Variants in KYNU observed in about 807,000 individuals in gnomAD.
KYNU encodes L-kynurenine hydrolase.
A neutral mutation model predicts 59.2 loss-of-function variants in KYNU; 54 were observed. The ratio of observed to expected loss-of-function variants is 0.91; its 90% CI spans 0.73 to 1.14. The LOEUF is 1.14. KYNU is among the 50% of genes most tolerant of loss of function. KYNU has a pLI of 0.00. For synonymous variants in KYNU, 177 were observed against 192.0 expected (o/e 0.92, Z 0.65); for missense variants, 567 against 554.4 (o/e 1.02, Z -0.23).
At chr2:143,019,624 T>C (rs1301377313) in intron 10 of KYNU, among the ~76,000 whole-genome samples, 3 of 152,164 alleles carry the variant, frequency 2.0e-5, no homozygotes, top group Admixed American at 1.3e-4. Flanking sequence ...TCTTTTTCTG[T>C]TGCTATGTCC....
intron 5 of KYNU, 41 bp from the exon 6 acceptor site, chr2:142,956,162 T>C: frequency 9.4e-7 from 1 of 1,061,858 alleles, no homozygotes; most frequent in Non-Finnish European, 1.5e-6. Flanking sequence ...AATGTATAAA[T>C]TGTGTATTAA....
chr2:142,928,722 T>G (rs1173356622), intron 4 of KYNU, among the ~76,000 whole-genome samples: 2 of 152,066 alleles, frequency 1.3e-5, no homozygotes, highest in Non-Finnish European at 2.9e-5. Flanking sequence ...TAAAAGTGAA[T>G]AAGGGCTGGG....
At position 143,044,630 on chromosome 2, in the gene KYNU, TC is replaced by T. The variant is rs1484326623; in HGVS notation, c.*2459del. The T allele has an allele frequency of 6.6e-6, 1 of 152,224 alleles. No individual in the cohort carries two copies. The highest frequency in any genetic ancestry group is 1.5e-5 in the Non-Finnish European group (1 of 68,040). 9.4% of individuals were successfully genotyped at this position (152,224 alleles called of 1,614,324 possible). A position where few individuals can be genotyped will look rare whatever the true frequency, so the allele number is the denominator to read the frequency against. ...ATATTTGTTGGCCGCATAAATGTCT[TC>T]TTTTGAGAAGTGTCTGTTCGTATCC... On this transcript the variant is annotated 3_prime_UTR_variant, in exon 14 of 14. Coordinates refer to ENST00000264170, the MANE Select transcript of KYNU (RefSeq NM_003937.3).
rs1299725971 is a variant in KYNU, at chr2:143,055,719, A to T, written c.*13547A>T. 6.6e-6 allele frequency: 1 copy of T among 152,014 alleles called. No individual in the cohort carries two copies. Among genetic ancestry groups the T allele is most frequent in the Non-Finnish European group, 1.5e-5 (1 of 67,980 alleles). 9.4% of individuals were successfully genotyped at this position (152,014 alleles called of 1,614,324 possible). A position where few individuals can be genotyped will look rare whatever the true frequency, so the allele number is the denominator to read the frequency against. On this transcript the variant is annotated 3_prime_UTR_variant, in exon 14 of 14. Coordinates refer to ENST00000264170, the MANE Select transcript of KYNU (RefSeq NM_003937.3). ...GAGGAGAGGAGAGGTAGGAGGGAAG[A>T]AGAAAAAAATAGTATGAAAAAATCT...
intron 10 of KYNU, among the ~76,000 whole-genome samples, chr2:143,007,253 G>A (rs1357590785): frequency 6.7e-6 from 1 of 149,712 alleles, no homozygotes; most frequent in Non-Finnish European, 1.5e-5. Context: ...AGAACTACAT[G>A]AAGAATGCAG....
At chr2:142,953,630 A>G (rs1338082502) in intron 4 of KYNU, among the ~76,000 whole-genome samples, 1 of 152,220 alleles carries the variant, frequency 6.6e-6, no homozygotes, top group Non-Finnish European at 1.5e-5. Flanking sequence ...CTAGGAATAT[A>G]CAGTGAGATT....
intron 2 of KYNU, among the ~76,000 whole-genome samples, chr2:142,904,244 A>G (rs1171538713): frequency 6.6e-6 from 1 of 152,212 alleles, no homozygotes; most frequent in Admixed American, 6.5e-5. Flanking sequence ...GTTATAGTGA[A>G]CATCACTGAA....
intron 10 of KYNU, among the ~76,000 whole-genome samples, chr2:143,012,314 T>C (rs1269136189): frequency 5.9e-5 from 9 of 151,712 alleles, no homozygotes; most frequent in South Asian, 4.2e-4. Flanking sequence ...TAGCTCCATC[T>C]CTACTAAAAA....
intron 3 of KYNU, among the ~76,000 whole-genome samples, chr2:142,925,831 C>A (rs1279314479): frequency 6.6e-6 from 1 of 152,200 alleles, no homozygotes; most frequent in Non-Finnish European, 1.5e-5. Context: ...AGTTTACTGA[C>A]ACAGATTCAA....
chr2:142,934,859 C>T (rs1056541721), intron 4 of KYNU, among the ~76,000 whole-genome samples: 7 of 152,128 alleles, frequency 4.6e-5, no homozygotes, highest in Non-Finnish European at 7.4e-5. Flanking sequence ...TGGGGTCCTC[C>T]GCAAAGGGGG....
At chr2:142,900,668 G>A (rs1434087829) in intron 2 of KYNU, among the ~76,000 whole-genome samples, 3 of 152,202 alleles carry the variant, frequency 2.0e-5, no homozygotes, top group Non-Finnish European at 4.4e-5. Flanking sequence ...AGGAAATCCA[G>A]TCAGTCCTGT....
Position 142,951,960 on chromosome 2 carries a change from T to C in KYNU, c.374-2850T>C, listed in dbSNP as rs192590809. On this transcript the variant is annotated intron_variant, in intron 4 of 13. Transcript: ENST00000264170. ...GTGTAGTTTAATTCTGCCCAGCACA[T>C]CTGGAGGGGAACATGTGTGTAGGTG... 1.2e-3 allele frequency among the ~76,000 whole-genome samples: 184 copies of C among 152,310 alleles called. 2 individuals carry two copies. Among genetic ancestry groups the C allele is most frequent in the Non-Finnish European group, 1.8e-4 (12 of 68,036 alleles).
At chr2:142,929,089 A>C (rs2105017804) in intron 4 of KYNU, among the ~76,000 whole-genome samples, 1 of 151,634 alleles carries the variant, frequency 6.6e-6, no homozygotes, top group South Asian at 2.1e-4. Context: ...AGATGCAAAT[A>C]AATCCAAAAT....
intron 4 of KYNU, 126 bp downstream of exon 4, chr2:142,927,867 T>C (rs1683094354): frequency 1.6e-5 from 11 of 695,168 alleles, no homozygotes; most frequent in Middle Eastern, 3.3e-4. Flanking sequence ...TAATCTATAA[T>C]AGTAAAAAGG....
At chr2:142,949,228 G>A (rs951420331) in intron 4 of KYNU, among the ~76,000 whole-genome samples, 7 of 152,188 alleles carry the variant, frequency 4.6e-5, no homozygotes, top group African/African-American at 1.7e-4. Context: ...AGTATCTGTG[G>A]CTTTTCTGGG....
chr2:142,908,407 G>GT (rs546580962), intron 2 of KYNU, among the ~76,000 whole-genome samples: 4,010 of 147,220 alleles, frequency 0.027, 167 homozygotes, highest in Admixed American at 0.12. Context: ...TGAGAAGTCT[G>GT]TTTTTTTTTT....
At chr2:142,890,927 T>G (rs1001497497) in intron 2 of KYNU, among the ~76,000 whole-genome samples, 3 of 152,246 alleles carry the variant, frequency 2.0e-5, no homozygotes, top group Non-Finnish European at 4.4e-5. Flanking sequence ...TTGCTCATAA[T>G]GTATACATTT....
intron 1 of KYNU, among the ~76,000 whole-genome samples, chr2:142,884,501 C>T (rs1441724119): frequency 6.6e-6 from 1 of 152,002 alleles, no homozygotes; most frequent in Non-Finnish European, 1.5e-5. Context: ...ATTATCTCCT[C>T]ATAAGATACC....
intron 10 of KYNU, among the ~76,000 whole-genome samples, chr2:143,013,726 C>A (rs1313833140): frequency 2.0e-5 from 3 of 152,094 alleles, no homozygotes; most frequent in African/African-American, 7.2e-5. Context: ...AGTTTAAGTT[C>A]TGTTGGTTCA....
Sources: gnomAD v4.1 joint callset for allele counts (sites outside exome capture counted in the v4.1 genomes callset) on GRCh38, gnomAD v4.1.1 for gene constraint, MANE v1.5 for transcripts, NCBI Gene and HGNC (gene_info 2026-07-23, HGNC 2026-07-21) for gene names.